SCAPER: variants seen among roughly 807,000 people sequenced by gnomAD.
The protein encoded by SCAPER is S phase cyclin A-associated protein in the endoplasmic reticulum.
Under a neutral mutation model 182.2 loss-of-function variants are expected in SCAPER, and 98 were observed. The ratio of observed to expected loss-of-function variants is 0.54; its 90% CI spans 0.46 to 0.64. The LOEUF is 0.64. Ranked by LOEUF, SCAPER falls within the 30% of genes least tolerant of loss-of-function variation. The pLI, the probability that SCAPER is intolerant of heterozygous loss-of-function variation, is 0.00. For missense variants in SCAPER, 1,432 were observed against 1,690.0 expected (o/e 0.85, Z 2.68); for synonymous variants, 605 against 564.6 (o/e 1.07, Z -1.01).
chr15:76,410,030 C>T (rs776093709), intron 26 of SCAPER, among the ~76,000 whole-genome samples: 4 of 151,206 alleles, frequency 2.6e-5, no homozygotes, highest in African/African-American at 9.7e-5. Context: ...TGGACTCAAG[C>T]GAGCTGCCCT....
chr15:76,855,409 C>A (rs1211301648), intron 4 of SCAPER, among the ~76,000 whole-genome samples: 1 of 118,588 alleles, frequency 8.4e-6, no homozygotes, highest in Non-Finnish European at 1.7e-5. Context: ...GACACAAAAG[C>A]AAAATTTGAC....
At position 76,596,599 on chromosome 15, in the gene SCAPER, TAA is replaced by T. The variant is rs2049517133; in HGVS notation, c.2712-22317_2712-22316del. ...TGGCAAACCAAATCTGGCAGCACAT[TAA>T]AAAGCTTATCTACCATGATCAAGTC... On this transcript the variant is annotated intron_variant, in intron 22 of 31. Transcript: ENST00000563290. 1.7e-5 allele frequency among the ~76,000 whole-genome samples: 2 copies of T among 120,470 alleles called. 1 individual carries two copies. The highest frequency in any genetic ancestry group is 5.1e-4 in the South Asian group (2 of 3,916). The allele number at this position is 120,470 out of a possible 152,430, so 79.0% of individuals were successfully genotyped here. A position where few individuals can be genotyped will look rare whatever the true frequency, so the allele number is the denominator to read the frequency against.
chr15:76,399,470 T>C (rs1204783504), intron 27 of SCAPER, among the ~76,000 whole-genome samples: 7 of 152,234 alleles, frequency 4.6e-5, no homozygotes, highest in African/African-American at 1.2e-4. Flanking sequence ...TTACAGACTA[T>C]TGAATTTTGC....
intron 31 of SCAPER, chr15:76,349,414 T>C (rs910552559): frequency 4.6e-5 from 7 of 151,460 alleles, no homozygotes; most frequent in Non-Finnish European, 1.0e-4. Context: ...GAATGAATGA[T>C]AGGAGCTTTA....
At chr15:76,397,379 A>C (rs2044137985) in intron 27 of SCAPER, among the ~76,000 whole-genome samples, 1 of 151,752 alleles carries the variant, frequency 6.6e-6, no homozygotes, top group Non-Finnish European at 1.5e-5. Flanking sequence ...ATTTTTTGGA[A>C]TAGTTTGAGT....
chr15:76,740,920 A>T (rs946951467), intron 15 of SCAPER, among the ~76,000 whole-genome samples: 3 of 152,136 alleles, frequency 2.0e-5, no homozygotes, highest in Non-Finnish European at 4.4e-5. Flanking sequence ...TACGAGTGCT[A>T]ATTTTCTCAT....
At chr15:76,450,041 A>C (rs2048270878) in intron 25 of SCAPER, among the ~76,000 whole-genome samples, 1 of 152,224 alleles carries the variant, frequency 6.6e-6, no homozygotes, top group African/African-American at 2.4e-5. Context: ...TTATGTAAAC[A>C]AATGCTGTAT....
intron 5 of SCAPER, 129 bp from the exon 6 acceptor site, chr15:76,804,762 G>A (rs552030426): frequency 1.0e-4 from 49 of 482,916 alleles, no homozygotes; most frequent in Non-Finnish European, 1.6e-4. Flanking sequence ...AGCTGCGTAA[G>A]TTACAGATTT....
chr15:76,705,506 A>AT lies in SCAPER; in HGVS notation c.2247+396_2247+397insA, dbSNP rs2059212014. On this transcript the variant is annotated intron_variant, in intron 18 of 31. Transcript: ENST00000563290. The stretch of plus-strand genomic sequence containing the variant: ...TGGCACATGTATATATATGTAACTA[A>AT]CCTGCACATTGTGCACATGTACCCT... Among the ~76,000 whole-genome samples the AT allele has an allele frequency of 2.0e-5, 3 of 151,986 alleles. No individual in the cohort carries two copies. In the South Asian group the frequency reaches 6.3e-4, roughly 32 times the overall value.
chr15:76,499,666 G>A (rs1191283841), intron 24 of SCAPER, among the ~76,000 whole-genome samples: 1 of 152,140 alleles, frequency 6.6e-6, no homozygotes, highest in Non-Finnish European at 1.5e-5. Flanking sequence ...ATAATAAAGT[G>A]CTAAGCCGAA....
At chr15:76,663,643 G>C (rs1476174946) in intron 21 of SCAPER, among the ~76,000 whole-genome samples, 2 of 151,760 alleles carry the variant, frequency 1.3e-5, no homozygotes. Flanking sequence ...TAAATTTCTA[G>C]AACTGGAAAA....
At chr15:76,842,390 T>TAGTAAGTTCTCAC (rs1238997851) in intron 4 of SCAPER, among the ~76,000 whole-genome samples, 2 of 152,194 alleles carry the variant, frequency 1.3e-5, no homozygotes, top group African/African-American at 4.8e-5. Flanking sequence ...GCTGTTCTCA[T>TAGTAAGTTCTCAC]GATAGTAAGT....
At chr15:76,634,610 T>G (rs2053437196) in intron 21 of SCAPER, among the ~76,000 whole-genome samples, 1 of 152,230 alleles carries the variant, frequency 6.6e-6, no homozygotes, top group African/African-American at 2.4e-5. Flanking sequence ...AGGTCTTCTT[T>G]AAATTCTCTT....
intron 29 of SCAPER, among the ~76,000 whole-genome samples, chr15:76,375,859 C>T (rs2042525408): frequency 6.6e-6 from 1 of 152,144 alleles, no homozygotes; most frequent in African/African-American, 2.4e-5. Context: ...GTGGCGGTTG[C>T]CTGTAATCCC....
At chr15:76,577,989 C>T (rs1025352411) in intron 22 of SCAPER, among the ~76,000 whole-genome samples, 1 of 152,060 alleles carries the variant, frequency 6.6e-6, no homozygotes, top group African/African-American at 2.4e-5. Flanking sequence ...GAATGGAAGG[C>T]CCAGGCCAGG....
intron 22 of SCAPER, among the ~76,000 whole-genome samples, chr15:76,587,181 G>A (rs2145605180): frequency 6.6e-6 from 1 of 151,958 alleles, no homozygotes; most frequent in South Asian, 2.1e-4. Flanking sequence ...GAGCTTATTT[G>A]GATCTTCCCA....
At chr15:76,596,551 T>C (rs1432250410) in intron 22 of SCAPER, among the ~76,000 whole-genome samples, 2 of 120,634 alleles carry the variant, frequency 1.7e-5, no homozygotes, top group Non-Finnish European at 4.0e-5. Context: ...TGAACACCGA[T>C]GTGAAAATCC....
Position 76,716,907 on chromosome 15 carries a change from A to G in SCAPER, c.2166-10923T>C, listed in dbSNP as rs575944019. 4.6e-5 allele frequency among the ~76,000 whole-genome samples: 7 copies of G among 152,222 alleles called. No homozygotes were observed. The East Asian group carries it at 1.3e-3, about 29-fold the overall frequency. On this transcript the variant is annotated intron_variant, in intron 17 of 31. Transcript: ENST00000563290. ...TCTTGGGACTTAGGAAGAGAGAGAG[A>G]TCTACATACAAGTCAATGAAGCTCA...
intron 23 of SCAPER, among the ~76,000 whole-genome samples, chr15:76,520,815 C>G (rs980782870): frequency 6.6e-6 from 1 of 152,188 alleles, no homozygotes; most frequent in Non-Finnish European, 1.5e-5. Context: ...ATATGTCTGA[C>G]TCTAGAATCT....
Sources: gnomAD v4.1 joint callset for allele counts (sites outside exome capture counted in the v4.1 genomes callset) on GRCh38, gnomAD v4.1.1 for gene constraint, MANE v1.5 for transcripts, NCBI Gene and HGNC (gene_info 2026-07-23, HGNC 2026-07-21) for gene names.